Variants in MVP observed in about 807,000 individuals in gnomAD.
MVP encodes lung resistance-related protein.
In MVP, 62 loss-of-function variants were observed where a neutral mutation model predicts 83.5. That is an observed-to-expected ratio of 0.74 (90% confidence interval 0.61 to 0.92). MVP has a LOEUF of 0.92. Among genes scored for constraint, MVP ranks in the 40% least tolerant of loss-of-function variants. The pLI is 0.00. For missense variants in MVP, 1,000 were observed against 1,203.4 expected (o/e 0.83, Z 2.50); for synonymous variants, 505 against 504.1 (o/e 1.00, Z -0.02).
intron 5 of MVP, chr16:29,835,430 G>A (rs2067477379): frequency 8.7e-6 from 2 of 230,070 alleles, no homozygotes; most frequent in South Asian, 9.5e-5. Flanking sequence ...GGAGGCTGAG[G>A]TTGCAGTGAG....
At chr16:29,831,903 C>A in intron 3 of MVP, 3 of 343,592 alleles carry the variant, frequency 8.7e-6, no homozygotes, top group Admixed American at 7.8e-5. Flanking sequence ...GTTCTTCCAC[C>A]TTTACCTTCT....
At chr16:29,838,361 G>T (rs553017745) in intron 7 of MVP, among the ~76,000 whole-genome samples, 1 of 150,096 alleles carries the variant, frequency 6.7e-6, no homozygotes, top group Admixed American at 6.6e-5. Context: ...GCTTGAACCC[G>T]GGAGGCGGAG....
At position 29,841,727 on chromosome 16, in the gene MVP, C is replaced by T; in HGVS notation, c.1323C>T (p.Asp441=). Residue 441 remains aspartate, a synonymous_variant, in exon 9 of 15, where the codon GAC becomes GAT. Transcript: ENST00000357402. The surrounding 1 kb of genome is among the most constrained non-coding windows in gnomAD (Gnocchi z 4.7). ...CTCTGGCAGACAGGGGTGAGAAGGA[C>T]ACAGCTAAGAGCCTCCAGCCCTTGG... is the stretch of plus-strand genomic sequence containing the variant. ...QDPLADRGEK[D]TAKSLQPLAP... 1 of 1,613,094 alleles carries T rather than the reference C, an allele frequency of 6.2e-7. No homozygotes were observed. Among genetic ancestry groups the T allele is most frequent in the Non-Finnish European group, 8.5e-7 (1 of 1,179,736 alleles).
At position 29,844,988 on chromosome 16, in the gene MVP, A is replaced by G. The variant is rs189703085; in HGVS notation, c.2021+109A>G. On this transcript the variant is annotated intron_variant, in intron 11 of 14. Transcript: ENST00000357402. ...ACTGCCTGCTGCCATCCCTACCCTC[A>G]AAGATCTATTCCCTACCCAACAGAT... 1.3e-3 allele frequency: 1,862 copies of G among 1,404,452 alleles called. 1 individual carries two copies. Among genetic ancestry groups the G allele is most frequent in the Non-Finnish European group, 1.7e-3 (1,747 of 1,047,872 alleles). The allele number at this position is 1,404,452 out of a possible 1,614,324, so 87.0% of individuals were successfully genotyped here.
intron 6 of MVP, 38 bp downstream of exon 6, chr16:29,835,836 G>C (rs1026612079): frequency 6.3e-7 from 1 of 1,575,912 alleles, no homozygotes; most frequent in Non-Finnish European, 8.7e-7. Flanking sequence ...GGGACCTGGG[G>C]CTAGGGAACC....
intron 10 of MVP, 39 bp from the exon 11 acceptor site, chr16:29,844,454 T>C: frequency 6.6e-7 from 1 of 1,516,738 alleles, no homozygotes; most frequent in Non-Finnish European, 8.8e-7. Context: ...GATTCCTGGG[T>C]GAAAGCAGCT....
intron 1 of MVP, among the ~76,000 whole-genome samples, chr16:29,824,850 T>C (rs1047234582): frequency 1.3e-5 from 2 of 151,946 alleles, no homozygotes; most frequent in African/African-American, 4.8e-5. Flanking sequence ...TATTAAGTTT[T>C]GCTGTAGCAG....
Position 29,824,005 on chromosome 16 carries a change from G to A in MVP, c.-36+3495G>A, listed in dbSNP as rs550433579. Among the ~76,000 whole-genome samples, 182 of 151,930 alleles carry A rather than the reference G, an allele frequency of 1.2e-3. 1 individual carries two copies. The highest frequency in any genetic ancestry group is 4.1e-3 in the African/African-American group (171 of 41,450). ...TGTTATCCTAGCCCTTTGGGAGGCC[G>A]AGGTGGGTGGATCACTTCCAGCCTG... On this transcript the variant is annotated intron_variant, in intron 1 of 14. Coordinates refer to ENST00000357402, the MANE Select transcript of MVP (RefSeq NM_005115.5).
rs1210449084 is a variant in MVP, at chr16:29,846,163, C to T, written c.2144C>T (p.Ala715Val). ...TGACTCTGCCTTCTCCCCAGCATGG[C>T]CGTGGAGAGCACCGGGACTGCCAAG... The part of the protein sequence containing the change: ...ELLELEALSM[A>V]VESTGTAKAE... The change falls in exon 13 of 15, where the codon GCC becomes GTC. Residue 715 changes from alanine (A) to valine (V), a missense_variant. Physicochemically the swap from Ala to Val is moderately conservative, Grantham distance 64. Transcript: ENST00000357402. 6.2e-7 allele frequency: 1 copy of T among 1,610,492 alleles called. No homozygotes were observed. The highest frequency in any genetic ancestry group is 1.1e-5 in the South Asian group (1 of 90,528).
chr16:29,836,090 A>T (rs1168590596), intron 6 of MVP, among the ~76,000 whole-genome samples: 2 of 151,710 alleles, frequency 1.3e-5, no homozygotes, highest in Admixed American at 6.6e-5. Flanking sequence ...ACACAGTGAG[A>T]ACTCATCGCT....
At chr16:29,845,201 A>G (rs978991046) in intron 11 of MVP, among the ~76,000 whole-genome samples, 4 of 147,938 alleles carry the variant, frequency 2.7e-5, no homozygotes, top group Non-Finnish European at 6.0e-5. Flanking sequence ...TCTCAAAAGA[A>G]AAAAAAAAAA....
chr16:29,825,018 C>CTTCGGCCTCCCA (rs1454462182), intron 1 of MVP, among the ~76,000 whole-genome samples: 1 of 152,000 alleles, frequency 6.6e-6, no homozygotes, highest in Non-Finnish European at 1.5e-5. Context: ...GTTGGGATTA[C>CTTCGGCCTCCCA]AGGTGTGAGC....
intron 1 of MVP, 43 bp downstream of exon 1, chr16:29,820,553 A>G (rs1453344860): frequency 6.6e-6 from 1 of 152,370 alleles, no homozygotes; most frequent in East Asian, 1.9e-4. Flanking sequence ...AATCAGGGGC[A>G]GATCTTTGTA....
At chr16:29,824,211 CAAAAAAAAAAAAAAAAA>C (rs61338952) in intron 1 of MVP, among the ~76,000 whole-genome samples, 104 of 39,668 alleles carry the variant, frequency 2.6e-3, no homozygotes, top group Non-Finnish European at 4.5e-3. Context: ...AACTCCATCT[CAAAAAAAAAAAAAAAAA>C]AAAAAAAAAA....
rs1427110825 is a variant in MVP, at chr16:29,841,306, G to A, written c.1192-290G>A. ...ATTGAGCACCTTCTCTATGCCAAGAGCTGTTTGAGCTAGACATGTGAAGAT... is the reference window on the plus strand; with the variant it reads ...ATTGAGCACCTTCTCTATGCCAAGAACTGTTTGAGCTAGACATGTGAAGAT... On this transcript the variant is annotated intron_variant, in intron 8 of 14. Coordinates refer to ENST00000357402, the MANE Select transcript of MVP (RefSeq NM_005115.5). The surrounding 1 kb of genome is among the most constrained non-coding windows in gnomAD (Gnocchi z 4.7). Among the ~76,000 whole-genome samples the A allele has an allele frequency of 1.3e-5, 2 of 152,266 alleles. No individual in the cohort carries two copies. Among genetic ancestry groups the A allele is most frequent in the East Asian group, 3.9e-4 (2 of 5,182 alleles).
chr16:29,824,318 A>G (rs1003266540), intron 1 of MVP, among the ~76,000 whole-genome samples: 2 of 151,214 alleles, frequency 1.3e-5, no homozygotes, highest in Non-Finnish European at 2.9e-5. Context: ...TGTAATGTGC[A>G]TGCAAGTCAT....
rs137947788 is a variant in MVP, at chr16:29,836,841, C to T, written c.792C>T (p.His264=). Reference sequence around the variant, plus strand: ...CAGAGGCCCACGTGCCAGATGTCCACGAGGAGGTGCTGGGGGTTGTGCCCA... The same window carrying T: ...CAGAGGCCCACGTGCCAGATGTCCATGAGGAGGTGCTGGGGGTTGTGCCCA... ...QDTEAHVPDV[H]EEVLGVVPIT... Residue 264 remains histidine (H), a synonymous_variant, in exon 7 of 15, where the codon CAC becomes CAT. Transcript: ENST00000357402. 537 of 1,613,788 alleles carry T rather than the reference C, an allele frequency of 3.3e-4. No homozygotes were observed. Among genetic ancestry groups the T allele is most frequent in the Middle Eastern group, 8.2e-4 (5 of 6,080 alleles).
chr16:29,839,015 C>T (rs1050557105), intron 7 of MVP, among the ~76,000 whole-genome samples: 11 of 152,050 alleles, frequency 7.2e-5, no homozygotes, highest in South Asian at 2.1e-4. Flanking sequence ...GGTGAAGCCC[C>T]GTCTCTGTTA....
At chr16:29,845,653 AG>A (rs759517714) in intron 11 of MVP, among the ~76,000 whole-genome samples, 1 of 152,184 alleles carries the variant, frequency 6.6e-6, no homozygotes, top group Non-Finnish European at 1.5e-5. Context: ...GCGTGAAAGT[AG>A]GGGGCCGCAG....
Sources: gnomAD v4.1 joint callset for allele counts (sites outside exome capture counted in the v4.1 genomes callset) on GRCh38, gnomAD v4.1.1 for gene constraint, Gnocchi (gnomAD v3.1) non-coding constraint, MANE v1.5 for transcripts, NCBI Gene and HGNC (gene_info 2026-07-23, HGNC 2026-07-21) for gene names.